The following TENM2 variants were observed in gnomAD, a reference collection of about 807,000 sequenced individuals.
The protein encoded by TENM2 is teneurin transmembrane protein 2.
TENM2 carries 52 observed loss-of-function variants against 245.2 expected under a neutral mutation model. That is an observed-to-expected ratio of 0.21 (90% CI 0.17 to 0.27). The LOEUF (loss-of-function observed/expected upper bound fraction) is 0.27. Among genes scored for constraint, TENM2 ranks in the 10% least tolerant of loss-of-function variants. The probability of loss-of-function intolerance (pLI) is 1.00; values close to 1 mark genes in which losing one functional copy is unlikely to be tolerated. For missense variants in TENM2, 3,046 were observed against 3,666.8 expected (o/e 0.83, Z 4.37); for synonymous variants, 1,363 against 1,438.9 (o/e 0.95, Z 1.19).
chr5:167,825,945 C>T (rs1483323303), intron 2 of TENM2, among the ~76,000 whole-genome samples: 1 of 152,018 alleles, frequency 6.6e-6, no homozygotes. Context: ...CTGGGTGTTC[C>T]CTGAGCTCCT....
intron 2 of TENM2, among the ~76,000 whole-genome samples, chr5:167,593,696 T>C (rs1478461051): frequency 3.3e-5 from 5 of 152,244 alleles, no homozygotes; most frequent in Admixed American, 2.0e-4. Flanking sequence ...ATAATGCAAA[T>C]ACTCCATTCT....
chr5:167,656,906 CAG>C (rs1019404474), intron 2 of TENM2, among the ~76,000 whole-genome samples: 3 of 150,704 alleles, frequency 2.0e-5, no homozygotes, highest in Non-Finnish European at 4.4e-5. Flanking sequence ...GTGATCAAAT[CAG>C]AGCAATTCAC....
intron 3 of TENM2, among the ~76,000 whole-genome samples, chr5:167,948,458 G>A (rs1349291298): frequency 1.3e-5 from 2 of 152,142 alleles, no homozygotes; most frequent in Non-Finnish European, 2.9e-5. Context: ...GAAACATCTT[G>A]TCTATAAATT....
At chr5:167,839,735 T>C (rs1769319267) in intron 2 of TENM2, among the ~76,000 whole-genome samples, 1 of 152,134 alleles carries the variant, frequency 6.6e-6, no homozygotes, top group African/African-American at 2.4e-5. Flanking sequence ...GGAATACCAG[T>C]TTTTGCTTAT....
the TENM2 span, among the ~76,000 whole-genome samples, chr5:166,986,841 A>C: frequency 6.6e-6 from 1 of 152,222 alleles, no homozygotes; most frequent in Non-Finnish European, 1.5e-5. Context: ...GGCTGCAGAG[A>C]AGTTAAGAAC....
intron 2 of TENM2, among the ~76,000 whole-genome samples, chr5:167,639,071 A>G (rs1429831507): frequency 2.0e-5 from 3 of 152,208 alleles, no homozygotes; most frequent in Admixed American, 6.5e-5. Context: ...GTAAGCTCCA[A>G]TCCTCTTGCT....
chr5:167,869,117 T>C (rs557798178), intron 2 of TENM2, among the ~76,000 whole-genome samples: 2 of 152,328 alleles, frequency 1.3e-5, no homozygotes, highest in South Asian at 4.1e-4. Flanking sequence ...CATTCCTCCC[T>C]TGGGCTTTGG....
chr5:167,331,129 G>C (rs180947836), intron 1 of TENM2, among the ~76,000 whole-genome samples: 1 of 151,200 alleles, frequency 6.6e-6, no homozygotes, highest in African/African-American at 2.4e-5. Context: ...CCAGCTACTC[G>C]GGAGGCTGAG....
chr5:167,618,533 C>T (rs1215076932), intron 2 of TENM2, among the ~76,000 whole-genome samples: 1 of 152,120 alleles, frequency 6.6e-6, no homozygotes, highest in Non-Finnish European at 1.5e-5. Context: ...ACATGGTGAA[C>T]ATCATTCGCT....
intron 17 of TENM2, among the ~76,000 whole-genome samples, chr5:168,200,932 C>T (rs965375996): frequency 9.9e-5 from 15 of 152,116 alleles, no homozygotes; most frequent in Non-Finnish European, 4.4e-5. Flanking sequence ...GATAAGTTAC[C>T]AAAGTAGGAA....
chr5:167,580,193 T>C (rs1774992024), intron 2 of TENM2, among the ~76,000 whole-genome samples: 2 of 152,242 alleles, frequency 1.3e-5, no homozygotes, highest in South Asian at 4.1e-4. Context: ...GAAACATTTC[T>C]CTAATCATTG....
At chr5:167,589,841 T>C (rs1191844901) in intron 2 of TENM2, among the ~76,000 whole-genome samples, 1 of 151,646 alleles carries the variant, frequency 6.6e-6, no homozygotes, top group Non-Finnish European at 1.5e-5. Flanking sequence ...TACTTAAAAA[T>C]AACTTTCTTT....
At chr5:167,503,566 T>G (rs1769352978) in intron 2 of TENM2, among the ~76,000 whole-genome samples, 1 of 151,630 alleles carries the variant, frequency 6.6e-6, no homozygotes, top group African/African-American at 2.4e-5. Context: ...AACTCTATAA[T>G]GAATTATCTG....
At chr5:168,058,124 G>T (rs1489719578) in intron 6 of TENM2, among the ~76,000 whole-genome samples, 1 of 152,194 alleles carries the variant, frequency 6.6e-6, no homozygotes, top group East Asian at 1.9e-4. Context: ...CTCCAAACTT[G>T]CTGAGTTATG....
At chr5:167,974,046 GA>G (rs1175105326) in intron 4 of TENM2, among the ~76,000 whole-genome samples, 2 of 58,068 alleles carry the variant, frequency 3.4e-5, no homozygotes, top group African/African-American at 2.0e-4. Flanking sequence ...GAGAAGGAAG[GA>G]AGGGAGGAAA....
chr5:167,558,472 G>A (rs981814318), intron 2 of TENM2, among the ~76,000 whole-genome samples: 3 of 152,232 alleles, frequency 2.0e-5, no homozygotes, highest in African/African-American at 7.2e-5. Flanking sequence ...GAACCCGGCT[G>A]CATGGCAGGA....
Position 167,326,036 on chromosome 5 carries a change from G to C in TENM2, c.226+40973G>C, listed in dbSNP as rs553375558. On this transcript the variant is annotated intron_variant, in intron 1 of 28. Transcript: ENST00000518659. ...AAAGGGGACATTTGAATTGGAGCAT[G>C]AAGTGGGGGAAGAAGCTTGAACGGT... Among the ~76,000 whole-genome samples, 17 of 152,286 alleles carry C rather than the reference G, an allele frequency of 1.1e-4. No individual in the cohort carries two copies. In the South Asian group the frequency reaches 3.5e-3, roughly 32 times the overall value.
chr5:167,255,070 TTTC>T, the TENM2 span, among the ~76,000 whole-genome samples: 3 of 148,998 alleles, frequency 2.0e-5, no homozygotes, highest in African/African-American at 5.1e-5. Flanking sequence ...TTTCTTTTCT[TTTC>T]TTTTTTTTTT....
chr5:167,381,645 T>C (rs1761103205), intron 2 of TENM2, among the ~76,000 whole-genome samples: 1 of 152,172 alleles, frequency 6.6e-6, no homozygotes, highest in Admixed American at 6.6e-5. Flanking sequence ...AGATTCCATG[T>C]CTTTGAGGTC....
Sources: allele counts gnomAD v4.1 joint callset (sites outside exome capture counted in the v4.1 genomes callset), GRCh38; gene constraint gnomAD v4.1.1; transcripts MANE v1.5; gene names NCBI Gene and HGNC (gene_info 2026-07-23, HGNC 2026-07-21).